Variants in RFTN2 observed in about 807,000 individuals in gnomAD.
RFTN2 encodes the protein raftlin family member 2.
A neutral mutation model predicts 52.7 loss-of-function variants in RFTN2; 34 were observed. That is an observed-to-expected ratio of 0.64 (90% CI 0.49 to 0.86). RFTN2 has a LOEUF of 0.86. Ranked by LOEUF, RFTN2 falls within the 40% of genes least tolerant of loss-of-function variation. The pLI is 0.00. For missense variants in RFTN2, 536 were observed against 600.1 expected, an observed-to-expected ratio of 0.89 and a Z score of 1.12; for synonymous variants, 203 against 217.7, an observed-to-expected ratio of 0.93 and a Z score of 0.59.
At chr2:197,583,250 G>A (rs1447627237) in intron 8 of RFTN2, among the ~76,000 whole-genome samples, 2 of 152,202 alleles carry the variant, frequency 1.3e-5, no homozygotes, top group Non-Finnish European at 2.9e-5. Context: ...ATTAGCCCAT[G>A]TCCAGGACTG....
chr2:197,605,936 A>G (rs201892070), intron 7 of RFTN2, among the ~76,000 whole-genome samples: 1 of 151,946 alleles, frequency 6.6e-6, no homozygotes, highest in African/African-American at 2.4e-5. Flanking sequence ...CTCCTCCTTT[A>G]TTGATTCCTC....
In RFTN2 at chr2:197,642,695, G is replaced by A. The variant is rs375184877; in HGVS notation, c.438+1463C>T. Among the ~76,000 whole-genome samples the A allele has an allele frequency of 4.5e-4, 68 of 152,230 alleles. No homozygotes were observed. In the South Asian group the frequency reaches 0.014, roughly 31 times the overall value. ...AGGAGGGGATTAAAAAATAAAATGGGATTTATGGCCAGGCATGGTGGCTCA... is the reference window on the plus strand; with the variant it reads ...AGGAGGGGATTAAAAAATAAAATGGAATTTATGGCCAGGCATGGTGGCTCA... On this transcript the variant is annotated intron_variant, in intron 3 of 8. Transcript: ENST00000295049.
intron 1 of RFTN2, among the ~76,000 whole-genome samples, chr2:197,664,675 C>G (rs1024034899): frequency 6.6e-6 from 1 of 151,414 alleles, no homozygotes; most frequent in Admixed American, 6.6e-5. Flanking sequence ...GTCCCGGCTA[C>G]TTGGGAGGCT....
intron 8 of RFTN2, among the ~76,000 whole-genome samples, chr2:197,588,469 G>A (rs2087637293): frequency 1.3e-5 from 2 of 152,154 alleles, no homozygotes; most frequent in South Asian, 4.1e-4. Context: ...GCCTTCCTTG[G>A]CCTCCCAGAG....
In RFTN2 at chr2:197,675,459, G is replaced by T; in HGVS notation, c.-1C>A. The stretch of plus-strand genomic sequence containing the variant: ...CTAGCTTTCTAAGTCCGCACCCCAT[G>T]GCAAAATCTGTAAGGAATTAAATTG... On this transcript the variant is annotated 5_prime_UTR_variant, in exon 1 of 9. Coordinates refer to ENST00000295049, the MANE Select transcript of RFTN2 (RefSeq NM_144629.3). 1 of 1,557,426 alleles carries T rather than the reference G, an allele frequency of 6.4e-7. No homozygotes were observed. The highest frequency in any genetic ancestry group is 8.7e-7 in the Non-Finnish European group (1 of 1,153,222).
chr2:197,637,838 C>T (rs570197966), intron 3 of RFTN2, among the ~76,000 whole-genome samples: 3,618 of 151,970 alleles, frequency 0.024, 141 homozygotes, highest in African/African-American at 0.083. Context: ...GTTAGGGTGT[C>T]AATTTTGTAT....
At chr2:197,649,804 G>GC (rs1415209771) in intron 1 of RFTN2, among the ~76,000 whole-genome samples, 1 of 152,134 alleles carries the variant, frequency 6.6e-6, no homozygotes, top group East Asian at 1.9e-4. Context: ...AACGGCAGAA[G>GC]CCCACACAAA....
At chr2:197,619,882 A>C (rs1454941497) in intron 5 of RFTN2, among the ~76,000 whole-genome samples, 2 of 138,502 alleles carry the variant, frequency 1.4e-5, no homozygotes, top group Non-Finnish European at 3.1e-5. Flanking sequence ...TTTTTTTTTT[A>C]CTTCACTGAA....
chr2:197,608,878 C>G (rs192621036), intron 7 of RFTN2, among the ~76,000 whole-genome samples: 1 of 151,832 alleles, frequency 6.6e-6, no homozygotes, highest in Non-Finnish European at 1.5e-5. Context: ...TGAGAACATG[C>G]GATGTTTGGT....
intron 8 of RFTN2, 99 bp from the exon 9 acceptor site, chr2:197,572,379 C>T (rs1574669355): frequency 1.7e-6 from 2 of 1,188,886 alleles, no homozygotes; most frequent in Non-Finnish European, 2.4e-6. Flanking sequence ...CAGGAATGTC[C>T]TTTTCCCCAG....
chr2:197,621,607 G>C (rs1406640720), intron 5 of RFTN2, among the ~76,000 whole-genome samples: 2 of 151,772 alleles, frequency 1.3e-5, no homozygotes, highest in African/African-American at 4.8e-5. Context: ...TATTGTAATT[G>C]TTTTGGGCCA....
chr2:197,633,846 C>T lies in RFTN2; in HGVS notation c.590G>A (p.Trp197Ter). The change falls in exon 4 of 9, where the codon TGG becomes TAG. Residue 197 changes from tryptophan (W) to a stop codon, truncating the protein, a stop_gained. Transcript: ENST00000295049. LOFTEE classifies it high-confidence loss of function. ...RHGSDENCRS[W>*]NEGTLSGQSS... is the part of the protein sequence containing the mutation. ...CTGCCCACTTAACGTCCCTTCATTC[C>T]AACTTCTACAGTTTTCATCTGAACC... 4 of 1,613,876 alleles carry T rather than the reference C, an allele frequency of 2.5e-6. No individual in the cohort carries two copies. Among genetic ancestry groups the T allele is most frequent in the Non-Finnish European group, 2.5e-6 (3 of 1,179,878 alleles).
chr2:197,588,391 T>C (rs1210488957), intron 8 of RFTN2, among the ~76,000 whole-genome samples: 3 of 152,260 alleles, frequency 2.0e-5, no homozygotes, highest in Non-Finnish European at 4.4e-5. Context: ...TATCTTATTT[T>C]ACTTTTTTAT....
rs912155474 is a variant in RFTN2 at position 197,611,420 on chromosome 2, C to T, written c.1154+4456G>A. On this transcript the variant is annotated intron_variant, in intron 7 of 8. Transcript: ENST00000295049. ...TGCATAGAGGCGTTTATAGTATTCT[C>T]TGATAGTAGTTTGTATTTCTGTGGG... 1.3e-5 allele frequency among the ~76,000 whole-genome samples: 2 copies of T among 152,122 alleles called. 1 individual carries two copies. Among genetic ancestry groups the T allele is most frequent in the Middle Eastern group, 6.8e-3 (2 of 294 alleles).
At position 197,571,948 on chromosome 2, in the gene RFTN2, G is replaced by T. The variant is rs1303418308; in HGVS notation, c.*60C>A. ...AATGCAGAGAAAGTAATACAATAAG[G>T]TCAGTTGGCAATGATTTTAACAATT... On this transcript the variant is annotated 3_prime_UTR_variant, in exon 9 of 9. Coordinates refer to ENST00000295049, the MANE Select transcript of RFTN2 (RefSeq NM_144629.3). The T allele has an allele frequency of 4.7e-5, 71 of 1,520,000 alleles. No homozygotes were observed. The highest frequency in any genetic ancestry group is 1.7e-4 in the Middle Eastern group (1 of 5,854). The allele number at this position is 1,520,000 out of a possible 1,614,324, so 94.2% of individuals were successfully genotyped here.
intron 7 of RFTN2, among the ~76,000 whole-genome samples, chr2:197,615,623 C>T (rs776726222): frequency 4.6e-5 from 7 of 152,322 alleles, no homozygotes; most frequent in Non-Finnish European, 8.8e-5. Flanking sequence ...CTCTGGAACC[C>T]TACTGTGTCC....
At chr2:197,625,249 G>A (rs1412526493) in intron 5 of RFTN2, among the ~76,000 whole-genome samples, 1 of 152,136 alleles carries the variant, frequency 6.6e-6, no homozygotes, top group Non-Finnish European at 1.5e-5. Context: ...GTGAACTTGT[G>A]TACTCCTTGG....
intron 5 of RFTN2, among the ~76,000 whole-genome samples, chr2:197,628,636 G>C (rs901484950): frequency 3.9e-5 from 6 of 152,186 alleles, no homozygotes; most frequent in Non-Finnish European, 8.8e-5. Context: ...AAGAGAGAGA[G>C]AGAGAGATAT....
rs2106164765 is a variant in RFTN2, at chr2:197,578,887, A to G, written c.1234-6607T>C. 2.0e-5 allele frequency among the ~76,000 whole-genome samples: 3 copies of G among 152,316 alleles called. No individual in the cohort carries two copies. In the South Asian group the frequency reaches 6.2e-4, roughly 32 times the overall value. On this transcript the variant is annotated intron_variant, in intron 8 of 8. Coordinates refer to ENST00000295049, the MANE Select transcript of RFTN2 (RefSeq NM_144629.3). ...TCTACAACCTTGGGTCCTCAGACCA[A>G]CCAGCCCAAGGAACATCTCACCAAT...
Sources: allele counts gnomAD v4.1 joint callset (sites outside exome capture counted in the v4.1 genomes callset), GRCh38; gene constraint gnomAD v4.1.1; transcripts MANE v1.5; gene names NCBI Gene and HGNC (gene_info 2026-07-23, HGNC 2026-07-21).